ASB2: variants seen among roughly 807,000 people sequenced by gnomAD.
ASB2 encodes the protein ankyrin repeat and SOCS box containing 2.
In ASB2, 58 loss-of-function variants were observed where a neutral mutation model predicts 62.4. That is an observed-to-expected ratio of 0.93 (90% CI 0.75 to 1.16). The LOEUF (loss-of-function observed/expected upper bound fraction) is 1.16. ASB2 is among the 50% of genes most tolerant of loss of function. The probability of loss-of-function intolerance (pLI) is 0.00; values close to 1 mark genes in which losing one functional copy is unlikely to be tolerated. For missense variants in ASB2, 928 were observed against 887.9 expected (o/e 1.05, Z -0.57); for synonymous variants, 386 against 385.3 (o/e 1.00, Z -0.02).
rs536327728 is a variant in ASB2 at position 93,955,772 on chromosome 14, G to C, written c.311+994C>G. Among the ~76,000 whole-genome samples, 6 of 152,286 alleles carry C rather than the reference G, an allele frequency of 3.9e-5. 1 individual carries two copies. Among genetic ancestry groups the C allele is most frequent in the African/African-American group, 1.2e-4 (5 of 41,550 alleles). ...CAGGCAAAGTCCCCGCCCTATGAGTGGGGGAGGGTTCTGGGGGTGTCAGGC... is the reference window on the plus strand; with the variant it reads ...CAGGCAAAGTCCCCGCCCTATGAGTCGGGGAGGGTTCTGGGGGTGTCAGGC... On this transcript the variant is annotated intron_variant, in intron 3 of 9. Transcript: ENST00000555019.
At chr14:93,973,332 G>T (rs979787891) in intron 1 of ASB2, among the ~76,000 whole-genome samples, 2 of 152,188 alleles carry the variant, frequency 1.3e-5, no homozygotes, top group African/African-American at 4.8e-5. Context: ...AGACCCTAAC[G>T]AAAAGTCTTG....
chr14:93,934,711 G>C lies in ASB2; in HGVS notation c.1853C>G (p.Thr618Ser), dbSNP rs752440249. ...IGKYRIKLLDTLPLPGRLIRY... is the reference protein window; with the variant it reads ...IGKYRIKLLDSLPLPGRLIRY... Reference sequence around the variant, plus strand: ...AATCAGCCTGCCTGGGAGCGGCAAGGTGTCTAGGAGTTTTATACGGTATTT... The same window carrying C: ...AATCAGCCTGCCTGGGAGCGGCAAGCTGTCTAGGAGTTTTATACGGTATTT... Residue 618 changes from threonine (T) to serine (S), a missense_variant, in exon 10 of 10, where the codon ACC becomes AGC. By Grantham distance (58) the Thr-to-Ser change is moderately conservative (BLOSUM62 1). Coordinates refer to ENST00000555019, the MANE Select transcript of ASB2 (RefSeq NM_001202429.2). 6.2e-7 allele frequency: 1 copy of C among 1,613,982 alleles called. No homozygotes were observed. Among genetic ancestry groups the C allele is most frequent in the Non-Finnish European group, 8.5e-7 (1 of 1,179,964 alleles).
Position 93,956,828 on chromosome 14 carries a change from C to T in ASB2, c.249G>A (p.Met83Ile). Residue 83 changes from methionine (M) to isoleucine (I), a missense_variant, in exon 3 of 10, where the codon ATG becomes ATA. By Grantham distance (10) the Met-to-Ile change is conservative. Coordinates refer to ENST00000555019, the MANE Select transcript of ASB2 (RefSeq NM_001202429.2). ...PPESSPARAP[M>I]GLFQGVMQKY... ...TCTGCATGACCCCTTGGAACAAGCC[C>T]ATTGGGGCCCGGGCCGGCGAACTCT... 1 of 1,614,198 alleles carries T rather than the reference C, an allele frequency of 6.2e-7. No homozygotes were observed. The highest frequency in any genetic ancestry group is 2.2e-5 in the East Asian group (1 of 44,874).
In ASB2 at chr14:93,956,857, G is replaced by C. The variant is rs1223374134; in HGVS notation, c.220C>G (p.Pro74Ala). 1 of 1,614,104 alleles carries C rather than the reference G, an allele frequency of 6.2e-7. No individual in the cohort carries two copies. The highest frequency in any genetic ancestry group is 1.3e-5 in the African/African-American group (1 of 74,940). ...FYPWTRSTAP[P>A]ESSPARAPMG... ...GGGGCCCGGGCCGGCGAACTCTCAGGAGGTGCAGTGGACCTGGAGGGTGCA... is the reference window on the plus strand; with the variant it reads ...GGGGCCCGGGCCGGCGAACTCTCAGCAGGTGCAGTGGACCTGGAGGGTGCA... Residue 74 changes from proline (P) to alanine (A), a missense_variant, in exon 3 of 10, where the codon CCT (proline) becomes GCT (alanine). Physicochemically the swap from Pro to Ala is conservative, Grantham distance 27. Coordinates refer to ENST00000555019, the MANE Select transcript of ASB2 (RefSeq NM_001202429.2).
intron 8 of ASB2, 108 bp downstream of exon 8, chr14:93,939,000 G>C (rs1360475057): frequency 1.0e-6 from 1 of 998,870 alleles, no homozygotes; most frequent in Admixed American, 3.6e-5. Context: ...AGTCCACGCT[G>C]CTCCCAAGGA....
intron 9 of ASB2, among the ~76,000 whole-genome samples, chr14:93,937,352 A>G (rs181878588): frequency 9.7e-4 from 147 of 152,100 alleles, no homozygotes; most frequent in Non-Finnish European, 1.7e-3. Context: ...CTCCCCTCCT[A>G]CAATGCCTCT....
At chr14:93,964,127 G>A (rs931351416) in intron 2 of ASB2, among the ~76,000 whole-genome samples, 1 of 152,336 alleles carries the variant, frequency 6.6e-6, no homozygotes, top group South Asian at 2.1e-4. Context: ...TTAAGCGGAT[G>A]AAAGGAGGCA....
Position 93,969,317 on chromosome 14 carries a change from G to A in ASB2, c.-73-4705C>T, listed in dbSNP as rs151159544. 7.6e-3 allele frequency among the ~76,000 whole-genome samples: 1,161 copies of A among 152,304 alleles called. 9 individuals carry two copies. The highest frequency in any genetic ancestry group is 0.031 in the Middle Eastern group (9 of 294). On this transcript the variant is annotated intron_variant, in intron 1 of 9. Transcript: ENST00000555019. ...GTGCTGCTCAGCCCTGGCACGAGGG[G>A]GAAGTTATGAAGCAGCGTGTGGAGC...
In ASB2 at chr14:93,947,344, C is replaced by A; in HGVS notation, c.1052+5G>T. On this transcript the variant is annotated splice_donor_5th_base_variant and intron_variant, in intron 7 of 9. Transcript: ENST00000555019. Reference sequence around the variant, plus strand: ...TGCCTGGGTGCTGGCGGAGCCTGGGCTGACCTGTAGTTGCCCTTCTTGGAG... The same window carrying A: ...TGCCTGGGTGCTGGCGGAGCCTGGGATGACCTGTAGTTGCCCTTCTTGGAG... 12 of 1,613,932 alleles carry A rather than the reference C, an allele frequency of 7.4e-6. No individual in the cohort carries two copies. The highest frequency in any genetic ancestry group is 1.0e-5 in the Non-Finnish European group (12 of 1,179,998).
chr14:93,954,701 C>G lies in ASB2; in HGVS notation c.312-218G>C, dbSNP rs143366296. 2.9e-3 allele frequency among the ~76,000 whole-genome samples: 437 copies of G among 152,364 alleles called. 2 individuals are homozygous for G. The highest frequency in any genetic ancestry group is 6.1e-3 in the Admixed American group (93 of 15,302). ...GCTGCCGGGAATGTTATACCAAAAC[C>G]AATTCTACCAAGAGGATTCAGGCAC... On this transcript the variant is annotated intron_variant, in intron 3 of 9. Transcript: ENST00000555019.
chr14:93,952,161 C>G (rs1023644751), intron 5 of ASB2, among the ~76,000 whole-genome samples: 1 of 152,240 alleles, frequency 6.6e-6, no homozygotes, highest in Non-Finnish European at 1.5e-5. Context: ...TAAGCCTTGA[C>G]TTTCTCATCT....
chr14:93,947,080 AT>A lies in ASB2; in HGVS notation c.1052+268del, dbSNP rs1434057291. On this transcript the variant is annotated intron_variant, in intron 7 of 9. Transcript: ENST00000555019. ...CTCAGTGAGCTGTTAAGCAGATTAA[AT>A]AAGTTTCTGATGTGAAGTACTGGTA... Among the ~76,000 whole-genome samples, 7 of 152,374 alleles carry A rather than the reference AT, an allele frequency of 4.6e-5. No homozygotes were observed. The East Asian group carries it at 1.3e-3, about 29-fold the overall frequency.
intron 9 of ASB2, among the ~76,000 whole-genome samples, chr14:93,936,557 C>G: frequency 6.6e-6 from 1 of 152,186 alleles, no homozygotes; most frequent in Middle Eastern, 3.2e-3. Flanking sequence ...CAAGCTGACG[C>G]CTCCCTCCTC....
chr14:93,954,514 A>T lies in ASB2; in HGVS notation c.312-31T>A, dbSNP rs765123304. Reference sequence around the variant, plus strand: ...AGAGGAAGGAGTGGGTCAGTCCTCAAGGTCAGGCCAAGGCCAGGCCAGGGG... The same window carrying T: ...AGAGGAAGGAGTGGGTCAGTCCTCATGGTCAGGCCAAGGCCAGGCCAGGGG... On this transcript the variant is annotated intron_variant, in intron 3 of 9. Transcript: ENST00000555019. 11 of 1,611,076 alleles carry T rather than the reference A, an allele frequency of 6.8e-6. No individual in the cohort carries two copies. In the South Asian group the frequency reaches 1.2e-4, roughly 18 times the overall value.
rs1889043336 is a variant in ASB2 at position 93,953,343 on chromosome 14, G to A, written c.634+9C>T. 4 of 1,560,800 alleles carry A rather than the reference G, an allele frequency of 2.6e-6. No homozygotes were observed. The highest frequency in any genetic ancestry group is 3.5e-6 in the Non-Finnish European group (4 of 1,142,786). On this transcript the variant is annotated intron_variant, in intron 5 of 9. Coordinates refer to ENST00000555019, the MANE Select transcript of ASB2 (RefSeq NM_001202429.2). ...CGCAGGAAAGCTCACTCCGGGGTGG[G>A]GACCTCACCTTTGTAGAGCGGTGTC...
chr14:93,935,107 G>A (rs1006925232), intron 9 of ASB2, among the ~76,000 whole-genome samples: 2 of 152,208 alleles, frequency 1.3e-5, no homozygotes, highest in African/African-American at 4.8e-5. Context: ...TAGTGGTGGT[G>A]TCTCCCTCCT....
chr14:93,976,463 CA>C lies in ASB2; in HGVS notation c.-104del, dbSNP rs1226381595. 6.6e-6 allele frequency: 1 copy of C among 152,196 alleles called. No homozygotes were observed. Among genetic ancestry groups the C allele is most frequent in the Non-Finnish European group, 1.5e-5 (1 of 68,034 alleles). 9.4% of individuals were successfully genotyped at this position (152,196 alleles called of 1,614,324 possible). On this transcript the variant is annotated 5_prime_UTR_variant, in exon 1 of 10. Coordinates refer to ENST00000555019, the MANE Select transcript of ASB2 (RefSeq NM_001202429.2). Reference sequence around the variant, plus strand: ...TAGGCTCTGAAACAAGGGTACAATTCAGGGGTAATACAAAGGATTTTCTTGA... The same window carrying C: ...TAGGCTCTGAAACAAGGGTACAATTCGGGGTAATACAAAGGATTTTCTTGA...
intron 2 of ASB2, 33 bp from the exon 3 acceptor site, chr14:93,956,903 A>T: frequency 6.2e-7 from 1 of 1,613,942 alleles, no homozygotes; most frequent in African/African-American, 1.3e-5. Flanking sequence ...GAAAGAGGGA[A>T]AAGTACTCTG....
chr14:93,947,330 T>C lies in ASB2; in HGVS notation c.1052+19A>G. The C allele has an allele frequency of 6.2e-7, 1 of 1,612,796 alleles. No homozygotes were observed. The highest frequency in any genetic ancestry group is 8.5e-7 in the Non-Finnish European group (1 of 1,179,378). ...GGCCTCGGGAGAGCTGCCTGGGTGC[T>C]GGCGGAGCCTGGGCTGACCTGTAGT... On this transcript the variant is annotated intron_variant, in intron 7 of 9. Coordinates refer to ENST00000555019, the MANE Select transcript of ASB2 (RefSeq NM_001202429.2).
Sources: gnomAD v4.1 joint callset for allele counts (sites outside exome capture counted in the v4.1 genomes callset) on GRCh38, gnomAD v4.1.1 for gene constraint, MANE v1.5 for transcripts, NCBI Gene and HGNC (gene_info 2026-07-23, HGNC 2026-07-21) for gene names.